FGF22: variants seen among roughly 807,000 people sequenced by gnomAD.
FGF22 encodes FGF-22.
FGF22 carries 11 observed loss-of-function variants against 10.3 expected under a neutral mutation model. That is an observed-to-expected ratio of 1.07 (90% confidence interval 0.67 to 1.77). The LOEUF (loss-of-function observed/expected upper bound fraction) is 1.77, where lower values mean the gene tolerates loss of function less well. Among genes scored for constraint, FGF22 ranks in the 40% most tolerant of loss-of-function variants. FGF22 has a pLI of 0.00. For synonymous variants in FGF22, 136 were observed against 122.1 expected (o/e 1.11, Z -0.75); for missense variants, 317 against 273.2 (o/e 1.16, Z -1.13).
At chr19:641,229 C>T (rs1050846481) in intron 1 of FGF22, 8 of 456,322 alleles carry the variant, frequency 1.8e-5, no homozygotes, top group Non-Finnish European at 3.5e-5. Context: ...GCTCCCAGAG[C>T]AGAGGCGCGC....
exon 2 of FGF22, chr19:643,321 G>A (rs768756945): frequency 6.2e-7 from 1 of 1,610,874 alleles, no homozygotes; most frequent in Admixed American, 1.7e-5. Context: ...GAACCGCCGG[G>A]GCCGCCTCTA....
chr19:643,051 G>C (rs533537751), intron 1 of FGF22, among the ~76,000 whole-genome samples, 184 bp from the exon 2 acceptor site: 1 of 152,140 alleles, frequency 6.6e-6, no homozygotes, highest in African/African-American at 2.4e-5. Context: ...TGCTGGGGGG[G>C]GCTCCTGGTG....
Position 643,406 on chromosome 19 carries a change from G to GC in FGF22, c.319-3dup. 1 of 1,601,070 alleles carries GC rather than the reference G, an allele frequency of 6.2e-7. No homozygotes were observed. The highest frequency in any genetic ancestry group is 8.5e-7 in the Non-Finnish European group (1 of 1,173,120). ...GGGTGGGCCGGCCTCACCCCCGCCCGCAGCGACTCTACACCGTGGACTGCA... is the reference window on the plus strand; with the variant it reads ...GGGTGGGCCGGCCTCACCCCCGCCCGCCAGCGACTCTACACCGTGGACTGCA... On this transcript the variant is annotated splice_region_variant and splice_polypyrimidine_tract_variant and intron_variant, in intron 2 of 2. Transcript: ENST00000215530.
chr19:640,879 C>T (rs1985875855), intron 1 of FGF22: 3 of 297,166 alleles, frequency 1.0e-5, no homozygotes, highest in South Asian at 8.7e-5. Context: ...AGGTAATCAC[C>T]CCCTGTCCTT....
chr19:643,374 G>C (rs769266792), intron 2 of FGF22, 36 bp downstream of exon 2: 3 of 1,600,846 alleles, frequency 1.9e-6, no homozygotes, highest in East Asian at 2.2e-5. Context: ...CGCGGGCAGG[G>C]TGGGGAGGGT....
At chr19:644,199 A>C (rs1317921535) in exon 3 of FGF22, 1 of 156,500 alleles carries the variant, frequency 6.4e-6, no homozygotes, top group Admixed American at 6.2e-5. Flanking sequence ...AAGGGGAGGA[A>C]GGGCCCTAAG....
chr19:642,481 T>G (rs1600616581), intron 1 of FGF22, among the ~76,000 whole-genome samples: 1 of 58,592 alleles, frequency 1.7e-5, no homozygotes, highest in Admixed American at 1.6e-4. Flanking sequence ...GGGGGCTCCA[T>G]ATGGGGTGGT....
chr19:642,932 C>G (rs568621784), intron 1 of FGF22, among the ~76,000 whole-genome samples: 1 of 152,056 alleles, frequency 6.6e-6, no homozygotes, highest in African/African-American at 2.4e-5. Context: ...GCAGGGACAG[C>G]GCTGACCTGG....
chr19:643,267 G>A (rs369452453), exon 2 of FGF22: 14 of 1,611,758 alleles, frequency 8.7e-6, no homozygotes, highest in Middle Eastern at 1.6e-4. Context: ...ACACGTGGGC[G>A]TCGTGGTCAT....
At chr19:640,111 G>T in exon 1 of FGF22, 1 of 1,381,412 alleles carries the variant, frequency 7.2e-7, no homozygotes, top group Non-Finnish European at 9.4e-7. Context: ...GCCGCGTGCA[G>T]GGCACCCGCT....
At chr19:640,114 C>T (rs759539210) in exon 1 of FGF22, 58 of 1,376,120 alleles carry the variant, frequency 4.2e-5, no homozygotes, top group Non-Finnish European at 5.2e-5. Flanking sequence ...GCGTGCAGGG[C>T]ACCCGCTGGC....
exon 3 of FGF22, chr19:643,530 G>C (rs746475694): frequency 3.1e-6 from 5 of 1,604,334 alleles, no homozygotes; most frequent in Admixed American, 1.7e-5. Flanking sequence ...GGACAGGAGG[G>C]GGGGGCCCCG....
chr19:643,905 G>A (rs940598845), exon 3 of FGF22: 7 of 406,634 alleles, frequency 1.7e-5, no homozygotes, highest in South Asian at 9.8e-5. Context: ...GCAGGGGCTC[G>A]GGGTGGGGAG....
At position 643,234 on chromosome 19, in the gene FGF22, G is replaced by A. The variant is rs1600617753; in HGVS notation, c.215-1G>A. The A allele has an allele frequency of 1.2e-6, 2 of 1,600,914 alleles. No homozygotes were observed. The highest frequency in any genetic ancestry group is 4.5e-5 in the East Asian group (2 of 44,280). Reference sequence around the variant, plus strand: ...CCCTCCCCGACCCCCGCCTCCCCCAGGCATCCTGGAGATCCGCTCTGTACA... The same window carrying A: ...CCCTCCCCGACCCCCGCCTCCCCCAAGCATCCTGGAGATCCGCTCTGTACA... On this transcript the variant is annotated splice_acceptor_variant, in intron 1 of 2. Coordinates refer to ENST00000215530, the Ensembl canonical transcript of FGF22. LOFTEE classifies it high-confidence loss of function.
chr19:641,923 T>C (rs1985914750), intron 1 of FGF22, among the ~76,000 whole-genome samples: 1 of 152,062 alleles, frequency 6.6e-6, no homozygotes, highest in Admixed American at 6.6e-5. Context: ...GGGTCCTTGC[T>C]GGACAAGACA....
exon 3 of FGF22, chr19:643,879 G>A (rs1226099141): frequency 3.1e-5 from 11 of 349,818 alleles, no homozygotes; most frequent in Non-Finnish European, 5.2e-5. Context: ...GACGTCCCAG[G>A]CAGGGCCCGG....
At chr19:641,359 G>A (rs1347911932) in intron 1 of FGF22, 5 of 437,234 alleles carry the variant, frequency 1.1e-5, no homozygotes, top group South Asian at 1.6e-5. Context: ...GGCAGATCAC[G>A]AGGTCAGGAG....
intron 1 of FGF22, 33 bp downstream of exon 1, chr19:640,172 G>A: frequency 8.0e-7 from 1 of 1,250,240 alleles, no homozygotes; most frequent in Non-Finnish European, 1.0e-6. Flanking sequence ...CTGGGGTGGG[G>A]AGGCGGCGGG....
intron 1 of FGF22, among the ~76,000 whole-genome samples, chr19:642,035 C>T (rs892244014): frequency 1.3e-5 from 2 of 152,214 alleles, no homozygotes; most frequent in South Asian, 2.1e-4. Context: ...CCCTCTGCAA[C>T]GTGGGCTGCT....
Sources: allele counts gnomAD v4.1 joint callset (sites outside exome capture counted in the v4.1 genomes callset), GRCh38; gene constraint gnomAD v4.1.1; transcripts MANE v1.5; gene names NCBI Gene and HGNC (gene_info 2026-07-23, HGNC 2026-07-21).